The following PREX1 variants were observed in gnomAD, a reference collection of about 807,000 sequenced individuals.
PREX1 encodes phosphatidylinositol-3,4,5-trisphosphate dependent Rac exchange factor 1.
A neutral mutation model predicts 198.3 loss-of-function variants in PREX1; 41 were observed. That is an observed-to-expected ratio of 0.21 (90% confidence interval 0.16 to 0.27). The LOEUF is 0.27. Among genes scored for constraint, PREX1 ranks in the 10% least tolerant of loss-of-function variants. The pLI is 1.00. For missense variants in PREX1, 1,620 were observed against 2,200.7 expected (o/e 0.74, Z 5.28); for synonymous variants, 843 against 887.2 (o/e 0.95, Z 0.89).
At chr20:48,760,772 G>T (rs1434827629) in intron 1 of PREX1, among the ~76,000 whole-genome samples, 1 of 152,042 alleles carries the variant, frequency 6.6e-6, no homozygotes, top group Admixed American at 6.6e-5. Context: ...CACCGAGCTG[G>T]GTGCTGGAGA....
At chr20:48,785,600 C>T (rs972941820) in intron 1 of PREX1, among the ~76,000 whole-genome samples, 20 of 152,334 alleles carry the variant, frequency 1.3e-4, no homozygotes, top group African/African-American at 4.6e-4. Context: ...CAGGCCTCAT[C>T]GCTGATGTTC....
intron 14 of PREX1, among the ~76,000 whole-genome samples, chr20:48,674,215 C>A (rs2089694356): frequency 6.6e-6 from 1 of 152,212 alleles, no homozygotes; most frequent in African/African-American, 2.4e-5. Context: ...TTAAAATGCA[C>A]CCATATTTCA....
chr20:48,732,769 G>A (rs2090039938), intron 4 of PREX1, among the ~76,000 whole-genome samples: 1 of 152,198 alleles, frequency 6.6e-6, no homozygotes, highest in African/African-American at 2.4e-5. Flanking sequence ...GGGTGACCAT[G>A]TGGCTGAGTG....
chr20:48,798,728 G>A (rs1022666428), intron 1 of PREX1, among the ~76,000 whole-genome samples: 4 of 152,198 alleles, frequency 2.6e-5, no homozygotes, highest in African/African-American at 7.2e-5. Context: ...TGGAGCACAC[G>A]TGGAGGAGCT....
At chr20:48,754,910 C>A (rs909977864) in intron 1 of PREX1, among the ~76,000 whole-genome samples, 5 of 152,100 alleles carry the variant, frequency 3.3e-5, no homozygotes, top group Non-Finnish European at 7.4e-5. Flanking sequence ...CCCACACAGC[C>A]CAGAGTCTGG....
At chr20:48,771,346 C>A (rs2122881065) in intron 1 of PREX1, among the ~76,000 whole-genome samples, 1 of 151,698 alleles carries the variant, frequency 6.6e-6, no homozygotes, top group South Asian at 2.1e-4. Context: ...TCCCCCCATG[C>A]TTAGGATTTT....
chr20:48,848,630 C>T, the PREX1 span, among the ~76,000 whole-genome samples: 1 of 152,118 alleles, frequency 6.6e-6, no homozygotes, highest in Non-Finnish European at 1.5e-5. Flanking sequence ...TTTGGATAAC[C>T]ACCTGGCACC....
Position 48,666,172 on chromosome 20 carries a change from C to G in PREX1, c.1738+111G>C. The G allele has an allele frequency of 8.8e-7, 1 of 1,136,376 alleles. No homozygotes were observed. Among genetic ancestry groups the G allele is most frequent in the Non-Finnish European group, 1.3e-6 (1 of 793,642 alleles). The allele number at this position is 1,136,376 out of a possible 1,614,324, so 70.4% of individuals were successfully genotyped here. A position where few individuals can be genotyped will look rare whatever the true frequency, so the allele number is the denominator to read the frequency against. On this transcript the variant is annotated intron_variant, in intron 15 of 39. Transcript: ENST00000371941. This position sits in a 1 kb window ranked among gnomAD's most constrained non-coding sequence, Gnocchi z 4.3. ...TGGGATTCGTGAGCCTCCCCAAACC[C>G]CCGGGGGTCTAGAGAGCCACAGACC...
At chr20:48,857,435 C>T in the PREX1 span, among the ~76,000 whole-genome samples, 79 of 152,262 alleles carry the variant, frequency 5.2e-4, no homozygotes, top group African/African-American at 1.7e-3. Flanking sequence ...TAATCCCAGC[C>T]CTTTGAGATG....
intron 15 of PREX1, among the ~76,000 whole-genome samples, chr20:48,660,565 C>T (rs1568809147): frequency 1.3e-5 from 2 of 152,146 alleles, no homozygotes; most frequent in Admixed American, 6.5e-5. Context: ...AACAGTAAAA[C>T]CAAAGCTAAC....
At chr20:48,760,154 G>C (rs981311925) in intron 1 of PREX1, among the ~76,000 whole-genome samples, 11 of 151,712 alleles carry the variant, frequency 7.3e-5, no homozygotes, top group African/African-American at 2.4e-4. Context: ...CCCATCTTGA[G>C]TTTCTAGAGT....
chr20:48,710,112 G>A (rs1468545318), intron 5 of PREX1, among the ~76,000 whole-genome samples: 2 of 152,188 alleles, frequency 1.3e-5, no homozygotes, highest in East Asian at 1.9e-4. Context: ...ACTTCCCTGG[G>A]GGCTTGAGAA....
chr20:48,641,685 A>G (rs527489957), intron 29 of PREX1, among the ~76,000 whole-genome samples: 13 of 151,896 alleles, frequency 8.6e-5, no homozygotes, highest in Admixed American at 2.6e-4. Flanking sequence ...CCAGCTACTT[A>G]GGAGGCTGAG....
chr20:48,826,868 T>A (rs563460040), intron 1 of PREX1, among the ~76,000 whole-genome samples: 40 of 152,036 alleles, frequency 2.6e-4, no homozygotes, highest in Admixed American at 1.4e-3. Flanking sequence ...CAAAAAAAAA[T>A]TTTTTTAATT....
At chr20:48,866,696 G>T in the PREX1 span, among the ~76,000 whole-genome samples, 1 of 152,176 alleles carries the variant, frequency 6.6e-6, no homozygotes, top group Non-Finnish European at 1.5e-5. Flanking sequence ...GAAGGCAGAG[G>T]TGGGCGGGTC....
chr20:48,758,009 C>T (rs2090162440), intron 1 of PREX1, among the ~76,000 whole-genome samples: 1 of 152,098 alleles, frequency 6.6e-6, no homozygotes, highest in Admixed American at 6.5e-5. Flanking sequence ...CATGACAGGA[C>T]CCTTGGGGTG....
Position 48,745,060 on chromosome 20 carries a change from AC to A in PREX1, c.378del (p.Gln126HisfsTer11), listed in dbSNP as rs2090101483. Reference protein sequence around the residue: ...ALEYCLHPEPQSQHELGNVFL... With the variant: ...ALEYCLHPEPXSQHELGNVFL... ...AAAACATTCCCAAGTTCATGCTGAG[AC>A]TGCGGCTCCGGGTGTAAACAATACT... On this transcript the variant is annotated frameshift_variant, in exon 3 of 40. Coordinates refer to ENST00000371941, the MANE Select transcript of PREX1 (RefSeq NM_020820.4). LOFTEE classifies it high-confidence loss of function. The A allele has an allele frequency of 6.2e-7, 1 of 1,614,036 alleles. No individual in the cohort carries two copies. The highest frequency in any genetic ancestry group is 1.3e-5 in the African/African-American group (1 of 74,930).
intron 1 of PREX1, among the ~76,000 whole-genome samples, chr20:48,819,748 A>G (rs1263492944): frequency 6.6e-6 from 1 of 152,210 alleles, no homozygotes; most frequent in African/African-American, 2.4e-5. Context: ...GCGGTGTCTG[A>G]AGATTCCCTG....
intron 1 of PREX1, among the ~76,000 whole-genome samples, chr20:48,782,625 C>A (rs1035612991): frequency 6.6e-6 from 1 of 151,986 alleles, no homozygotes; most frequent in Admixed American, 6.6e-5. Flanking sequence ...TAATGGCCGG[C>A]CAGGGAAGGT....
Sources: allele counts gnomAD v4.1 joint callset (sites outside exome capture counted in the v4.1 genomes callset), GRCh38; gene constraint gnomAD v4.1.1; non-coding constraint Gnocchi (gnomAD v3.1); transcripts MANE v1.5; gene names NCBI Gene and HGNC (gene_info 2026-07-23, HGNC 2026-07-21).